ADGRL3: variants seen among roughly 807,000 people sequenced by gnomAD.
ADGRL3 encodes calcium-independent alpha-latrotoxin receptor 3.
A neutral mutation model predicts 153.5 loss-of-function variants in ADGRL3; 62 were observed. That is an observed-to-expected ratio of 0.40 (90% CI 0.33 to 0.50). The LOEUF is 0.50. Ranked by LOEUF, ADGRL3 falls within the 20% of genes least tolerant of loss-of-function variation. The pLI is 0.47. For missense variants in ADGRL3, 1,641 were observed against 1,859.4 expected, an observed-to-expected ratio of 0.88 and a Z score of 2.16; for synonymous variants, 710 against 672.5, an observed-to-expected ratio of 1.06 and a Z score of -0.86.
chr4:61,895,624 A>G (rs2098626187), intron 10 of ADGRL3, 107 bp from the exon 11 acceptor site: 1 of 604,612 alleles, frequency 1.7e-6, no homozygotes, highest in Non-Finnish European at 2.9e-6. Flanking sequence ...AATAAACATT[A>G]TATCAATTTA....
intron 5 of ADGRL3, among the ~76,000 whole-genome samples, chr4:61,651,907 A>G (rs1343890707): frequency 6.6e-6 from 1 of 151,764 alleles, no homozygotes; most frequent in Non-Finnish European, 1.5e-5. Flanking sequence ...GAGCCACCGA[A>G]CCTGGCCCAA....
chr4:62,002,956 C>T (rs1191986584), intron 21 of ADGRL3, among the ~76,000 whole-genome samples: 3 of 152,284 alleles, frequency 2.0e-5, no homozygotes, highest in African/African-American at 7.2e-5. Context: ...TTAGAACTCT[C>T]TTGACATTTA....
intron 2 of ADGRL3, among the ~76,000 whole-genome samples, chr4:61,439,039 TGAAG>T (rs1343777774): frequency 6.6e-6 from 1 of 151,922 alleles, no homozygotes; most frequent in Non-Finnish European, 1.5e-5. Flanking sequence ...GGTGGTAAGT[TGAAG>T]GAAACAGAAA....
At chr4:61,276,890 C>T (rs145750265) in intron 1 of ADGRL3, among the ~76,000 whole-genome samples, 24 of 151,974 alleles carry the variant, frequency 1.6e-4, no homozygotes, top group African/African-American at 5.3e-4. Flanking sequence ...TCATAATACC[C>T]AATATTAAAC....
chr4:62,072,768 C>G lies in ADGRL3; in HGVS notation c.*1860C>G, dbSNP rs1323811459. On this transcript the variant is annotated 3_prime_UTR_variant, in exon 27 of 27. Transcript: ENST00000683033. ...CTATGCTTACCTTTAAAACCAGATT[C>G]AATCAGAGATATAAATATGAAATTT... is the stretch of plus-strand genomic sequence containing the variant. The G allele has an allele frequency of 6.6e-6, 1 of 152,078 alleles. No individual in the cohort carries two copies. The highest frequency in any genetic ancestry group is 1.5e-5 in the Non-Finnish European group (1 of 68,004). The allele number at this position is 152,078 out of a possible 1,614,324, so 9.4% of individuals were successfully genotyped here. A position where few individuals can be genotyped will look rare whatever the true frequency, so the allele number is the denominator to read the frequency against.
chr4:61,858,321 A>G (rs1179259343), intron 9 of ADGRL3, among the ~76,000 whole-genome samples: 4 of 152,168 alleles, frequency 2.6e-5, no homozygotes, highest in Non-Finnish European at 5.9e-5. Flanking sequence ...GCTGTGTGCC[A>G]TTAAAACTTT....
intron 6 of ADGRL3, among the ~76,000 whole-genome samples, chr4:61,690,664 C>A (rs2095524064): frequency 6.6e-6 from 1 of 151,998 alleles, no homozygotes; most frequent in Non-Finnish European, 1.5e-5. Context: ...TTCACTTTTG[C>A]TGGAGAGGAA....
chr4:61,302,969 A>C (rs185048826), intron 1 of ADGRL3, among the ~76,000 whole-genome samples: 1 of 152,144 alleles, frequency 6.6e-6, no homozygotes, highest in East Asian at 1.9e-4. Flanking sequence ...CTTGGCTTCA[A>C]ATATATTAGG....
At chr4:61,933,257 A>G (rs930762336) in intron 13 of ADGRL3, among the ~76,000 whole-genome samples, 1 of 152,036 alleles carries the variant, frequency 6.6e-6, no homozygotes, top group African/African-American at 2.4e-5. Context: ...GGCTTCAGAA[A>G]ATATCTAAAG....
intron 5 of ADGRL3, among the ~76,000 whole-genome samples, chr4:61,676,305 T>C (rs2095190187): frequency 6.6e-6 from 1 of 151,982 alleles, no homozygotes; most frequent in Non-Finnish European, 1.5e-5. Context: ...AATTCAAATA[T>C]CAATTTTAAC....
chr4:61,600,089 C>T (rs1257072758), intron 5 of ADGRL3, among the ~76,000 whole-genome samples: 4 of 152,012 alleles, frequency 2.6e-5, no homozygotes, highest in Non-Finnish European at 4.4e-5. Context: ...GTGGGCAGAT[C>T]ATGAGGTCAG....
intron 9 of ADGRL3, among the ~76,000 whole-genome samples, chr4:61,883,560 C>T (rs1425155860): frequency 6.6e-6 from 1 of 152,042 alleles, no homozygotes; most frequent in Non-Finnish European, 1.5e-5. Context: ...AAATCTAAGG[C>T]ACAGAGAGGC....
At chr4:61,960,445 G>A (rs1180117589) in intron 17 of ADGRL3, among the ~76,000 whole-genome samples, 2 of 152,134 alleles carry the variant, frequency 1.3e-5, no homozygotes, top group African/African-American at 2.4e-5. Flanking sequence ...AGAACAGGCC[G>A]GAGGGTCTAG....
intron 8 of ADGRL3, among the ~76,000 whole-genome samples, chr4:61,753,876 G>T (rs988106656): frequency 4.6e-5 from 7 of 152,128 alleles, no homozygotes; most frequent in Non-Finnish European, 8.8e-5. Context: ...TTATGATAAG[G>T]AATCTCAGAT....
At chr4:61,462,849 C>A (rs2097840301) in intron 2 of ADGRL3, among the ~76,000 whole-genome samples, 1 of 152,056 alleles carries the variant, frequency 6.6e-6, no homozygotes, top group Admixed American at 6.6e-5. Flanking sequence ...AGGAAGAGAA[C>A]CAAAGCTAAA....
At chr4:61,813,690 T>A in intron 8 of ADGRL3, 119 bp from the exon 9 acceptor site, 1 of 1,161,476 alleles carries the variant, frequency 8.6e-7, no homozygotes, top group South Asian at 1.6e-5. Context: ...ATATGTCTAC[T>A]CTTTAATTTA....
chr4:61,426,525 A>G (rs917973381), intron 2 of ADGRL3, among the ~76,000 whole-genome samples: 8 of 152,164 alleles, frequency 5.3e-5, no homozygotes, highest in African/African-American at 1.9e-4. Flanking sequence ...ATAGCCGTCT[A>G]TGTATGCAGC....
In ADGRL3 at chr4:61,456,540, C is replaced by T. The variant is rs190636507; in HGVS notation, c.-173-40581C>T. Among the ~76,000 whole-genome samples, 1,006 of 145,860 alleles carry T rather than the reference C, an allele frequency of 6.9e-3. 7 individuals carry two copies. The highest frequency in any genetic ancestry group is 0.012 in the Non-Finnish European group (802 of 66,598). On this transcript the variant is annotated intron_variant, in intron 2 of 26. Transcript: ENST00000683033. ...CTATATATACGTCACACTAAAGGTGCTCAGTGACTTACTTATTTAACCAGG... is the reference window on the plus strand; with the variant it reads ...CTATATATACGTCACACTAAAGGTGTTCAGTGACTTACTTATTTAACCAGG...
intron 2 of ADGRL3, among the ~76,000 whole-genome samples, chr4:61,455,352 A>G (rs2097722512): frequency 1.3e-5 from 2 of 152,182 alleles, no homozygotes; most frequent in African/African-American, 2.4e-5. Context: ...TTTTTCTGTG[A>G]CAAAGGTTAT....
Sources: allele counts gnomAD v4.1 joint callset (sites outside exome capture counted in the v4.1 genomes callset), GRCh38; gene constraint gnomAD v4.1.1; transcripts MANE v1.5; gene names NCBI Gene and HGNC (gene_info 2026-07-23, HGNC 2026-07-21).